XPR1: variants seen among roughly 807,000 people sequenced by gnomAD.
XPR1 encodes the protein xenotropic and polytropic retrovirus receptor 1, also known as solute carrier family 53 member 1.
XPR1 carries 28 observed loss-of-function variants against 87.5 expected under a neutral mutation model. The ratio of observed to expected loss-of-function variants is 0.32; its 90% CI spans 0.24 to 0.44. The LOEUF (loss-of-function observed/expected upper bound fraction) is 0.44, where lower values mean the gene tolerates loss of function less well. Ranked by LOEUF, XPR1 falls within the 20% of genes least tolerant of loss-of-function variation. The probability of loss-of-function intolerance (pLI) is 1.00; values close to 1 mark genes in which losing one functional copy is unlikely to be tolerated. For synonymous variants in XPR1, 300 were observed against 306.1 expected (o/e 0.98, Z 0.21); for missense variants, 559 against 862.3 (o/e 0.65, Z 4.41).
intron 7 of XPR1, among the ~76,000 whole-genome samples, chr1:180,822,574 A>G (rs1650676229): frequency 6.6e-6 from 1 of 152,330 alleles, no homozygotes; most frequent in Non-Finnish European, 1.5e-5. Flanking sequence ...GAATGGTGTC[A>G]GGTGTAATAG....
intron 2 of XPR1, among the ~76,000 whole-genome samples, chr1:180,713,907 G>T (rs146885647): frequency 1.0e-3 from 159 of 152,140 alleles, no homozygotes; most frequent in Non-Finnish European, 2.0e-3. Context: ...TGAAAAGAAA[G>T]AATTCTTTTC....
chr1:180,758,226 G>C (rs1325108202), intron 2 of XPR1, among the ~76,000 whole-genome samples: 1 of 151,790 alleles, frequency 6.6e-6, no homozygotes, highest in South Asian at 2.1e-4. Context: ...ATTGTGTTAA[G>C]TGAAATAAAC....
At chr1:180,846,916 T>C (rs777352028) in intron 11 of XPR1, among the ~76,000 whole-genome samples, 1 of 151,944 alleles carries the variant, frequency 6.6e-6, no homozygotes, top group South Asian at 2.1e-4. Context: ...TACCTAAATA[T>C]CTCATTGATA....
chr1:180,785,846 A>G (rs1329098419), intron 2 of XPR1, among the ~76,000 whole-genome samples: 1 of 151,758 alleles, frequency 6.6e-6, no homozygotes, highest in Non-Finnish European at 1.5e-5. Context: ...TAAGTAGAAT[A>G]AGCTGTTACT....
At position 180,816,533 on chromosome 1, in the gene XPR1, A is replaced by C. The variant is rs78041310; in HGVS notation, c.763+5045A>C. Among the ~76,000 whole-genome samples the C allele has an allele frequency of 3.8e-3, 578 of 152,348 alleles. 1 individual carries two copies. Among genetic ancestry groups the C allele is most frequent in the Middle Eastern group, 0.02 (6 of 294 alleles). Reference sequence around the variant, plus strand: ...CCAAAAGACATGTATGAGAACACTTAAGTAATATTGTTTGTAATAGTATCC... The same window carrying C: ...CCAAAAGACATGTATGAGAACACTTCAGTAATATTGTTTGTAATAGTATCC... On this transcript the variant is annotated intron_variant, in intron 7 of 14. Coordinates refer to ENST00000367590, the MANE Select transcript of XPR1 (RefSeq NM_004736.4).
intron 13 of XPR1, among the ~76,000 whole-genome samples, chr1:180,879,206 T>C (rs1652764366): frequency 1.3e-5 from 2 of 152,224 alleles, no homozygotes; most frequent in Non-Finnish European, 2.9e-5. Context: ...ACTTCTGTTA[T>C]TACCACCTTT....
chr1:180,777,438 CAGAT>C (rs1016456820), intron 2 of XPR1, among the ~76,000 whole-genome samples: 19 of 152,152 alleles, frequency 1.2e-4, no homozygotes, highest in Non-Finnish European at 8.8e-5. Flanking sequence ...TTTTTTTCCT[CAGAT>C]AGACTGTAGA....
chr1:180,747,735 A>G (rs749105382), intron 2 of XPR1, among the ~76,000 whole-genome samples: 2 of 152,210 alleles, frequency 1.3e-5, no homozygotes, highest in Non-Finnish European at 2.9e-5. Flanking sequence ...AACAGAACAT[A>G]TGTACAAAGA....
At chr1:180,701,591 T>G (rs984832807) in intron 2 of XPR1, among the ~76,000 whole-genome samples, 3 of 139,410 alleles carry the variant, frequency 2.2e-5, no homozygotes, top group Non-Finnish European at 4.6e-5. Context: ...TGGATAAGCT[T>G]TTTGATGTGC....
At chr1:180,674,706 T>C (rs1656308702) in intron 1 of XPR1, among the ~76,000 whole-genome samples, 1 of 152,146 alleles carries the variant, frequency 6.6e-6, no homozygotes, top group South Asian at 2.1e-4. Context: ...GAGTTAGTTT[T>C]CATACACATT....
At chr1:180,704,707 C>G (rs1657492998) in intron 2 of XPR1, among the ~76,000 whole-genome samples, 1 of 150,822 alleles carries the variant, frequency 6.6e-6, no homozygotes, top group Middle Eastern at 3.4e-3. Context: ...CTCTTAGTAT[C>G]CTATTATAAC....
chr1:180,769,943 T>C (rs1360364544), intron 2 of XPR1, among the ~76,000 whole-genome samples: 2 of 152,244 alleles, frequency 1.3e-5, no homozygotes, highest in Non-Finnish European at 2.9e-5. Flanking sequence ...GCATTTGTTA[T>C]TGCCTGTCTT....
intron 2 of XPR1, among the ~76,000 whole-genome samples, chr1:180,708,413 A>G (rs1657629670): frequency 1.3e-5 from 2 of 152,338 alleles, no homozygotes; most frequent in Non-Finnish European, 1.5e-5. Context: ...CAACATTATG[A>G]ACGTACTTAA....
At chr1:180,706,742 G>T (rs911711898) in intron 2 of XPR1, among the ~76,000 whole-genome samples, 6 of 152,030 alleles carry the variant, frequency 3.9e-5, no homozygotes, top group African/African-American at 1.4e-4. Flanking sequence ...CTCCTGAGTA[G>T]CTGGGATTAC....
chr1:180,853,791 GT>G (rs374408714), intron 11 of XPR1, among the ~76,000 whole-genome samples: 27,214 of 109,296 alleles, frequency 0.25, 2,373 homozygotes, highest in East Asian at 0.3. Flanking sequence ...CATTCATGTG[GT>G]TTTTTTTTTT....
At chr1:180,684,855 C>T (rs1466142959) in intron 2 of XPR1, among the ~76,000 whole-genome samples, 1 of 152,164 alleles carries the variant, frequency 6.6e-6, no homozygotes, top group Non-Finnish European at 1.5e-5. Flanking sequence ...TGAGACTTTG[C>T]TGAAGTTGCT....
chr1:180,721,256 C>T (rs2101997224), intron 2 of XPR1, among the ~76,000 whole-genome samples: 1 of 151,916 alleles, frequency 6.6e-6, no homozygotes, highest in African/African-American at 2.4e-5. Context: ...GAAATTCTCC[C>T]ATTTTACACT....
At chr1:180,744,009 T>C (rs142646767) in intron 2 of XPR1, among the ~76,000 whole-genome samples, 56 of 152,320 alleles carry the variant, frequency 3.7e-4, no homozygotes, top group African/African-American at 1.3e-3. Flanking sequence ...TAGGTTTATG[T>C]CTTTCACCAA....
chr1:180,716,405 A>G (rs1316242706), intron 2 of XPR1, among the ~76,000 whole-genome samples: 1 of 152,122 alleles, frequency 6.6e-6, no homozygotes, highest in African/African-American at 2.4e-5. Context: ...TTTACCGTCT[A>G]ATTTTCAAGC....
Sources: gnomAD v4.1 joint callset for allele counts (sites outside exome capture counted in the v4.1 genomes callset) on GRCh38, gnomAD v4.1.1 for gene constraint, MANE v1.5 for transcripts, NCBI Gene and HGNC (gene_info 2026-07-23, HGNC 2026-07-21) for gene names.